SCARA5: variants seen among roughly 807,000 people sequenced by gnomAD.
SCARA5 encodes the protein scavenger receptor class A member 5, also known as scavenger receptor class A, member 5 (putative).
Under a neutral mutation model 46.3 loss-of-function variants are expected in SCARA5, and 45 were observed. That is an observed-to-expected ratio of 0.97 (90% confidence interval 0.76 to 1.24). The LOEUF is 1.24. Ranked by LOEUF, SCARA5 falls within the 50% of genes most tolerant of loss-of-function variation. SCARA5 has a pLI of 0.00. For missense variants in SCARA5, 680 were observed against 689.0 expected (o/e 0.99, Z 0.15); for synonymous variants, 333 against 306.5 (o/e 1.09, Z -0.90).
intron 3 of SCARA5, among the ~76,000 whole-genome samples, chr8:27,956,807 T>G (rs867208288): frequency 5.3e-5 from 8 of 152,218 alleles, no homozygotes; most frequent in Non-Finnish European, 1.0e-4. Context: ...TGGCACCTGG[T>G]AAGTGTTTGT....
intron 3 of SCARA5, among the ~76,000 whole-genome samples, chr8:27,932,492 G>T (rs1807791271): frequency 6.6e-6 from 1 of 152,218 alleles, no homozygotes; most frequent in Admixed American, 6.5e-5. Context: ...TTATGGTTTT[G>T]CAGTTACAGA....
chr8:27,874,789 T>C (rs956947332), intron 8 of SCARA5, among the ~76,000 whole-genome samples: 2 of 152,216 alleles, frequency 1.3e-5, no homozygotes, highest in Non-Finnish European at 2.9e-5. Flanking sequence ...CAGCAATCCT[T>C]ACCTCCTTTT....
chr8:27,941,988 T>C (rs1230852175), intron 3 of SCARA5, among the ~76,000 whole-genome samples: 1 of 151,788 alleles, frequency 6.6e-6, no homozygotes, highest in Non-Finnish European at 1.5e-5. Flanking sequence ...CTTCACACTC[T>C]GCTAATTTTT....
At chr8:27,982,674 C>T (rs1371029749) in intron 2 of SCARA5, among the ~76,000 whole-genome samples, 1 of 152,118 alleles carries the variant, frequency 6.6e-6, no homozygotes, top group Non-Finnish European at 1.5e-5. Context: ...GAGGTGGCCC[C>T]GCCCAGGCAT....
intron 3 of SCARA5, among the ~76,000 whole-genome samples, chr8:27,949,793 G>A (rs75832202): frequency 6.6e-5 from 10 of 152,224 alleles, no homozygotes; most frequent in Non-Finnish European, 8.8e-5. Context: ...CAGCCTGCCC[G>A]GGTGCAGAAG....
chr8:27,960,463 A>G (rs984542270), intron 3 of SCARA5, among the ~76,000 whole-genome samples: 2 of 152,230 alleles, frequency 1.3e-5, no homozygotes, highest in Admixed American at 6.5e-5. Flanking sequence ...GGCATGAGCC[A>G]CTGTCCCAGC....
intron 3 of SCARA5, among the ~76,000 whole-genome samples, chr8:27,938,362 A>AT: frequency 6.6e-6 from 1 of 151,706 alleles, no homozygotes; most frequent in East Asian, 1.9e-4. Flanking sequence ...TAATAAAAAA[A>AT]AATCTTGTGG....
chr8:27,964,861 G>C (rs989586683), intron 3 of SCARA5, among the ~76,000 whole-genome samples: 1 of 152,004 alleles, frequency 6.6e-6, no homozygotes, highest in Non-Finnish European at 1.5e-5. Flanking sequence ...GAGCTTTTCT[G>C]TATCTGTCAC....
At chr8:27,937,653 G>A (rs1046616927) in intron 3 of SCARA5, among the ~76,000 whole-genome samples, 14 of 152,120 alleles carry the variant, frequency 9.2e-5, no homozygotes, top group African/African-American at 2.7e-4. Flanking sequence ...GGTGGCTTCC[G>A]CTACAGACTT....
intron 6 of SCARA5, among the ~76,000 whole-genome samples, chr8:27,905,086 T>G (rs1807230164): frequency 6.6e-6 from 1 of 151,976 alleles, no homozygotes; most frequent in African/African-American, 2.4e-5. Flanking sequence ...ACATGGAATT[T>G]TGCAGGAAGA....
chr8:27,955,579 G>A (rs2685410), intron 3 of SCARA5, among the ~76,000 whole-genome samples: 30,351 of 152,066 alleles, frequency 0.2, 3,108 homozygotes, highest in East Asian at 0.24. Context: ...CCCAGCGAGG[G>A]GCCAGTAGGC....
At chr8:27,988,739 C>T (rs551970241) in intron 1 of SCARA5, among the ~76,000 whole-genome samples, 4 of 152,234 alleles carry the variant, frequency 2.6e-5, no homozygotes, top group African/African-American at 9.6e-5. Flanking sequence ...TCTCTACTTT[C>T]ATCAAGGTTC....
chr8:27,915,018 A>T (rs982062651), intron 4 of SCARA5, among the ~76,000 whole-genome samples: 1 of 152,150 alleles, frequency 6.6e-6, no homozygotes, highest in East Asian at 1.9e-4. Flanking sequence ...AGGACAGCTG[A>T]TGAGCCTGGC....
At chr8:27,973,953 C>T (rs180740951) in intron 2 of SCARA5, among the ~76,000 whole-genome samples, 101 of 152,112 alleles carry the variant, frequency 6.6e-4, no homozygotes, top group Non-Finnish European at 1.2e-3. Flanking sequence ...GCAAGAATAC[C>T]CCAAAGAGTT....
At chr8:27,880,559 A>G (rs987884960) in intron 7 of SCARA5, among the ~76,000 whole-genome samples, 1 of 152,182 alleles carries the variant, frequency 6.6e-6, no homozygotes, top group Non-Finnish European at 1.5e-5. Context: ...AGTGGGCAAA[A>G]GAGCGGCTGG....
intron 3 of SCARA5, among the ~76,000 whole-genome samples, chr8:27,924,871 T>A (rs1328238248): frequency 6.6e-6 from 1 of 152,084 alleles, no homozygotes; most frequent in Non-Finnish European, 1.5e-5. Context: ...AAATCATGAG[T>A]ATACTCCCAT....
chr8:27,888,596 C>T (rs1482370240), intron 7 of SCARA5, among the ~76,000 whole-genome samples: 1 of 152,202 alleles, frequency 6.6e-6, no homozygotes, highest in Admixed American at 6.5e-5. Flanking sequence ...GTGTGAGCTA[C>T]CAGATTTTCT....
chr8:27,966,801 C>A (rs968369544), intron 2 of SCARA5, among the ~76,000 whole-genome samples: 4 of 152,200 alleles, frequency 2.6e-5, no homozygotes, highest in Non-Finnish European at 4.4e-5. Context: ...CTCACAAAAA[C>A]CAACTCTTCT....
chr8:27,948,170 G>C (rs1410178569), intron 3 of SCARA5, among the ~76,000 whole-genome samples: 1 of 152,186 alleles, frequency 6.6e-6, no homozygotes, highest in Non-Finnish European at 1.5e-5. Flanking sequence ...AATTCTAAAA[G>C]GTAACTGAGG....
Sources: allele counts gnomAD v4.1 joint callset (sites outside exome capture counted in the v4.1 genomes callset), GRCh38; gene constraint gnomAD v4.1.1; transcripts MANE v1.5; gene names NCBI Gene and HGNC (gene_info 2026-07-23, HGNC 2026-07-21).